TJP1: variants seen among roughly 807,000 people sequenced by gnomAD.
The protein encoded by TJP1 is tight junction protein ZO-1.
A neutral mutation model predicts 194.2 loss-of-function variants in TJP1; 43 were observed. The ratio of observed to expected loss-of-function variants is 0.22; its 90% CI spans 0.17 to 0.29. The LOEUF (loss-of-function observed/expected upper bound fraction) is 0.29. Among genes scored for constraint, TJP1 ranks in the 10% least tolerant of loss-of-function variants. TJP1 has a pLI of 1.00. For missense variants in TJP1, 1,971 were observed against 2,185.7 expected (o/e 0.90, Z 1.96); for synonymous variants, 801 against 779.0 (o/e 1.03, Z -0.47).
intron 2 of TJP1, among the ~76,000 whole-genome samples, chr15:29,899,146 C>T (rs1444268014): frequency 6.6e-6 from 1 of 152,082 alleles, no homozygotes; most frequent in African/African-American, 2.4e-5. Context: ...AAAGATAAAG[C>T]CAATGTTTCA....
At chr15:29,831,816 TA>T (rs1464065165) in intron 2 of TJP1, among the ~76,000 whole-genome samples, 1 of 152,310 alleles carries the variant, frequency 6.6e-6, no homozygotes, top group East Asian at 1.9e-4. Flanking sequence ...GATTTGCTTT[TA>T]AATACTTCAG....
At chr15:29,776,749 A>G (rs2151682893) in intron 2 of TJP1, among the ~76,000 whole-genome samples, 1 of 152,306 alleles carries the variant, frequency 6.6e-6, no homozygotes, top group African/African-American at 2.4e-5. Flanking sequence ...AGTGTATTTT[A>G]AAATCATGTG....
At chr15:29,853,835 C>T (rs966477090) in intron 2 of TJP1, among the ~76,000 whole-genome samples, 1 of 152,144 alleles carries the variant, frequency 6.6e-6, no homozygotes, top group African/African-American at 2.4e-5. Flanking sequence ...CCCACATATC[C>T]TTTATTGAGA....
intron 2 of TJP1, among the ~76,000 whole-genome samples, chr15:29,783,626 C>T (rs2047513801): frequency 6.6e-6 from 1 of 152,154 alleles, no homozygotes; most frequent in Non-Finnish European, 1.5e-5. Context: ...AACTATGCAG[C>T]CATAAAAAAG....
intron 8 of TJP1, among the ~76,000 whole-genome samples, chr15:29,746,008 T>C (rs912842392): frequency 7.2e-5 from 11 of 152,218 alleles, no homozygotes; most frequent in African/African-American, 2.7e-4. Context: ...ATTTCACTTG[T>C]TCTAATAAGC....
At chr15:29,750,221 T>C (rs1341514560) in intron 8 of TJP1, among the ~76,000 whole-genome samples, 2 of 152,180 alleles carry the variant, frequency 1.3e-5, no homozygotes, top group South Asian at 2.1e-4. Flanking sequence ...TTAGCCAGGA[T>C]GGTCTTGATC....
chr15:29,857,886 G>A (rs931687483), intron 2 of TJP1, among the ~76,000 whole-genome samples: 7 of 151,940 alleles, frequency 4.6e-5, no homozygotes, highest in South Asian at 2.1e-4. Flanking sequence ...CTCAGCCTCC[G>A]GACTAGCTGG....
intron 2 of TJP1, among the ~76,000 whole-genome samples, chr15:29,944,886 G>A (rs1011444211): frequency 1.3e-5 from 2 of 152,148 alleles, no homozygotes; most frequent in Non-Finnish European, 2.9e-5. Context: ...AAATTTTACT[G>A]TATTAAATAT....
intron 2 of TJP1, among the ~76,000 whole-genome samples, chr15:29,842,783 G>A (rs1030512274): frequency 2.6e-5 from 4 of 152,078 alleles, no homozygotes; most frequent in East Asian, 1.9e-4. Flanking sequence ...GCTGCCCCCA[G>A]GTAACAATAG....
At chr15:29,837,610 T>C (rs116572862) in intron 2 of TJP1, among the ~76,000 whole-genome samples, 1,955 of 152,338 alleles carry the variant, frequency 0.013, 48 homozygotes, top group African/African-American at 0.045. Context: ...TTTTGTAGGC[T>C]TTATATGTTG....
At chr15:29,747,879 T>G (rs990989457) in intron 8 of TJP1, among the ~76,000 whole-genome samples, 1 of 152,220 alleles carries the variant, frequency 6.6e-6, no homozygotes. Flanking sequence ...CATTGCTAAT[T>G]ACCTTTTTGT....
chr15:29,833,822 T>C (rs1006161344), intron 2 of TJP1, among the ~76,000 whole-genome samples: 3 of 139,132 alleles, frequency 2.2e-5, no homozygotes. Flanking sequence ...AACCTCCTCA[T>C]TTATATTTTT....
intron 2 of TJP1, among the ~76,000 whole-genome samples, chr15:29,890,505 G>A (rs915645513): frequency 3.3e-5 from 5 of 152,034 alleles, no homozygotes. Context: ...TTTCCTAAGG[G>A]AAAAAATGGA....
intron 1 of TJP1, among the ~76,000 whole-genome samples, chr15:29,818,670 A>ATT (rs11312672): frequency 8.0e-6 from 1 of 124,714 alleles, no homozygotes; most frequent in Admixed American, 8.1e-5. Context: ...AGGCCCGGCT[A>ATT]TTTTTTTTTT....
intron 25 of TJP1, among the ~76,000 whole-genome samples, chr15:29,707,326 T>C (rs1262405288): frequency 6.6e-6 from 1 of 152,066 alleles, no homozygotes; most frequent in Non-Finnish European, 1.5e-5. Context: ...CGAAACAGAA[T>C]TACATGAAGG....
At chr15:29,820,461 G>C (rs1397897864) in intron 1 of TJP1, 17 of 710,912 alleles carry the variant, frequency 2.4e-5, no homozygotes, top group Non-Finnish European at 7.8e-6. Flanking sequence ...AATATTTAAC[G>C]AGTGATGCTT....
At chr15:29,937,791 T>C (rs2054932670) in intron 2 of TJP1, among the ~76,000 whole-genome samples, 1 of 152,214 alleles carries the variant, frequency 6.6e-6, no homozygotes, top group Non-Finnish European at 1.5e-5. Flanking sequence ...GGCTGTTCTT[T>C]TGCCCTGGTT....
At chr15:29,768,712 GGTAACCA>G (rs1382634124) in intron 4 of TJP1, among the ~76,000 whole-genome samples, 1 of 152,034 alleles carries the variant, frequency 6.6e-6, no homozygotes, top group Non-Finnish European at 1.5e-5. Flanking sequence ...CTTATTGAAA[GGTAACCA>G]GTCCTATTGT....
intron 1 of TJP1, among the ~76,000 whole-genome samples, chr15:29,811,789 C>A (rs565288397): frequency 5.8e-4 from 89 of 152,188 alleles, no homozygotes; most frequent in African/African-American, 2.0e-3. Flanking sequence ...ATAAATGAAT[C>A]CTCCTTCTGA....
Sources: gnomAD v4.1 joint callset for allele counts (sites outside exome capture counted in the v4.1 genomes callset) on GRCh38, gnomAD v4.1.1 for gene constraint, MANE v1.5 for transcripts, NCBI Gene and HGNC (gene_info 2026-07-23, HGNC 2026-07-21) for gene names.